Variants in ROBO2 observed in about 807,000 individuals in gnomAD.
ROBO2 encodes the protein roundabout guidance receptor 2.
Under a neutral mutation model 160.8 loss-of-function variants are expected in ROBO2, and 53 were observed. That is an observed-to-expected ratio of 0.33 (90% CI 0.26 to 0.41). ROBO2 has a LOEUF of 0.41. Among genes scored for constraint, ROBO2 ranks in the 10% least tolerant of loss-of-function variants. ROBO2 has a pLI of 1.00. For synonymous variants in ROBO2, 664 were observed against 611.7 expected, an observed-to-expected ratio of 1.09 and a Z score of -1.26; for missense variants, 1,577 against 1,722.4, an observed-to-expected ratio of 0.92 and a Z score of 1.49.
At chr3:76,786,434 G>T (rs2062979778) in intron 2 of ROBO2, among the ~76,000 whole-genome samples, 2 of 151,370 alleles carry the variant, frequency 1.3e-5, no homozygotes, top group African/African-American at 4.8e-5. Context: ...GGCAGAAGGT[G>T]AAGGGGAAGT....
intron 2 of ROBO2, among the ~76,000 whole-genome samples, chr3:76,480,001 A>G (rs953563731): frequency 4.0e-5 from 6 of 151,712 alleles, no homozygotes; most frequent in Admixed American, 3.3e-4. Flanking sequence ...AAGAACAACA[A>G]AATACAAAGT....
intron 2 of ROBO2, among the ~76,000 whole-genome samples, chr3:76,802,617 A>G (rs555648704): frequency 6.6e-6 from 1 of 151,644 alleles, no homozygotes. Flanking sequence ...AGTCCCAGCT[A>G]CTCGGGAGGC....
chr3:76,298,000 G>A (rs1709167623), intron 2 of ROBO2, among the ~76,000 whole-genome samples: 1 of 152,160 alleles, frequency 6.6e-6, no homozygotes, highest in Non-Finnish European at 1.5e-5. Context: ...CTGAGCCCAG[G>A]TGGATGCCAT....
At chr3:76,373,857 G>C (rs564588792) in intron 2 of ROBO2, among the ~76,000 whole-genome samples, 1 of 152,042 alleles carries the variant, frequency 6.6e-6, no homozygotes, top group Non-Finnish European at 1.5e-5. Context: ...TCGTGCTTCT[G>C]TGGTCAGTAA....
At chr3:77,381,824 G>A (rs9876220) in intron 2 of ROBO2, among the ~76,000 whole-genome samples, 76,284 of 151,950 alleles carry the variant, frequency 0.5, 19,253 homozygotes, top group Admixed American at 0.57. Flanking sequence ...TTTGCTTTAG[G>A]TCTTCCTTTC....
At chr3:76,048,752 A>G (rs1359610045) in intron 2 of ROBO2, among the ~76,000 whole-genome samples, 1 of 152,212 alleles carries the variant, frequency 6.6e-6, no homozygotes, top group Non-Finnish European at 1.5e-5. Context: ...AAGAGCATCC[A>G]TGGCAGCTGT....
chr3:77,348,543 T>G (rs910160957), intron 2 of ROBO2, among the ~76,000 whole-genome samples: 1 of 152,164 alleles, frequency 6.6e-6, no homozygotes, highest in African/African-American at 2.4e-5. Flanking sequence ...AATGACTAAC[T>G]GTATGGGAAT....
intron 2 of ROBO2, among the ~76,000 whole-genome samples, chr3:77,021,613 A>C (rs2062643083): frequency 6.6e-6 from 1 of 152,196 alleles, no homozygotes. Context: ...GAACAAATGT[A>C]TCTTGTTTCA....
intron 3 of ROBO2, among the ~76,000 whole-genome samples, chr3:77,480,301 C>T (rs2084530887): frequency 1.1e-5 from 1 of 87,572 alleles, no homozygotes; most frequent in African/African-American, 3.4e-5. Context: ...TAAATGAGTA[C>T]CAAAAAAAAA....
At chr3:77,072,062 C>A (rs1237941791) in intron 1 of ROBO2, among the ~76,000 whole-genome samples, 1 of 152,078 alleles carries the variant, frequency 6.6e-6, no homozygotes, top group African/African-American at 2.4e-5. Context: ...GTTCGCATTA[C>A]CACCTGAGCT....
chr3:76,260,023 A>T (rs1053645663), intron 2 of ROBO2, among the ~76,000 whole-genome samples: 2 of 152,194 alleles, frequency 1.3e-5, no homozygotes, highest in South Asian at 2.1e-4. Context: ...TTTATTGATA[A>T]AAATAAATGA....
intron 2 of ROBO2, among the ~76,000 whole-genome samples, chr3:77,005,657 G>A (rs996463452): frequency 6.6e-6 from 1 of 152,152 alleles, no homozygotes; most frequent in Admixed American, 6.5e-5. Flanking sequence ...AGGTTGTAAG[G>A]AAACAAGGCT....
intron 2 of ROBO2, among the ~76,000 whole-genome samples, chr3:76,330,185 C>A (rs556810536): frequency 6.6e-6 from 1 of 152,174 alleles, no homozygotes; most frequent in African/African-American, 2.4e-5. Context: ...TAAAAAGGAA[C>A]ATAAAGTAAA....
chr3:77,622,386 C>T, exon 23 of ROBO2: 2 of 1,614,024 alleles, frequency 1.2e-6, no homozygotes, highest in Non-Finnish European at 1.7e-6. Flanking sequence ...GAGCACTGGA[C>T]CAGACTCCTG....
At position 77,011,365 on chromosome 3, in the gene ROBO2, G is replaced by A. The variant is rs556337739; in HGVS notation, c.110-86649G>A. Among the ~76,000 whole-genome samples, 300 of 152,224 alleles carry A rather than the reference G, an allele frequency of 2.0e-3. 1 individual carries two copies. The highest frequency in any genetic ancestry group is 7.0e-3 in the African/African-American group (292 of 41,550). On this transcript the variant is annotated intron_variant, in intron 2 of 26. Transcript: ENST00000487694. Reference sequence around the variant, plus strand: ...ATTTTTCACATGCAAATTAAAATAAGTATGCATATTAGTAATGTCAAAAGA... The same window carrying A: ...ATTTTTCACATGCAAATTAAAATAAATATGCATATTAGTAATGTCAAAAGA...
intron 2 of ROBO2, among the ~76,000 whole-genome samples, chr3:75,997,259 C>T (rs923015776): frequency 3.3e-5 from 5 of 151,956 alleles, no homozygotes; most frequent in Non-Finnish European, 5.9e-5. Flanking sequence ...TGGTACAGTT[C>T]GAAAATATCA....
intron 2 of ROBO2, among the ~76,000 whole-genome samples, chr3:76,944,970 ACT>A (rs1343881136): frequency 2.0e-5 from 3 of 150,920 alleles, no homozygotes; most frequent in Non-Finnish European, 4.4e-5. Context: ...CTCACTGCAA[ACT>A]CTGCCTCCCG....
chr3:77,116,439 C>T lies in ROBO2; in HGVS notation c.388+18099C>T, dbSNP rs560072689. ...TCAGAAGAGAACTTTATCTTAGGGG[C>T]CCAGCAGCCTTTTTGCAAGCCACCA... On this transcript the variant is annotated intron_variant, in intron 2 of 25. Transcript: ENST00000461745. 7.2e-5 allele frequency among the ~76,000 whole-genome samples: 11 copies of T among 152,164 alleles called. No homozygotes were observed. The South Asian group carries it at 2.3e-3, about 32-fold the overall frequency.
intron 2 of ROBO2, among the ~76,000 whole-genome samples, chr3:76,588,600 GA>G (rs1268096922): frequency 6.6e-6 from 1 of 152,082 alleles, no homozygotes; most frequent in Non-Finnish European, 1.5e-5. Flanking sequence ...GCATATATTG[GA>G]AAACGTTACA....
Sources: gnomAD v4.1 joint callset for allele counts (sites outside exome capture counted in the v4.1 genomes callset) on GRCh38, gnomAD v4.1.1 for gene constraint, MANE v1.5 for transcripts, NCBI Gene and HGNC (gene_info 2026-07-23, HGNC 2026-07-21) for gene names.